PRR12: variants seen among roughly 807,000 people sequenced by gnomAD.
The protein encoded by PRR12 is proline rich 12.
Under a neutral mutation model 138.0 loss-of-function variants are expected in PRR12, and 12 were observed. The ratio of observed to expected loss-of-function variants is 0.09; its 90% CI spans 0.06 to 0.14. The LOEUF (loss-of-function observed/expected upper bound fraction) is 0.14. Ranked by LOEUF, PRR12 falls within the 10% of genes least tolerant of loss-of-function variation. The probability of loss-of-function intolerance (pLI) is 1.00; values close to 1 mark genes in which losing one functional copy is unlikely to be tolerated. For synonymous variants in PRR12, 1,567 were observed against 1,291.7 expected, an observed-to-expected ratio of 1.21 and a Z score of -4.57; for missense variants, 2,692 against 2,861.3, an observed-to-expected ratio of 0.94 and a Z score of 1.35.
chr19:49,604,955 A>G (rs1190439466), intron 6 of PRR12, among the ~76,000 whole-genome samples: 8 of 151,986 alleles, frequency 5.3e-5, no homozygotes, highest in African/African-American at 1.9e-4. Context: ...TGGTTCAAGC[A>G]ATTCTCATAA....
In PRR12 at chr19:49,594,451, C is replaced by T. The variant is rs1326420664; in HGVS notation, c.200-3C>T. 3 of 1,582,736 alleles carry T rather than the reference C, an allele frequency of 1.9e-6. No homozygotes were observed. Among genetic ancestry groups the T allele is most frequent in the Admixed American group, 1.9e-5 (1 of 53,574 alleles). ...GCTGACTATAACCCCTGTCCCCGGC[C>T]AGGCCTCTCTGGACTCTTCGACACT... On this transcript the variant is annotated splice_region_variant and splice_polypyrimidine_tract_variant and intron_variant, in intron 2 of 13. Coordinates refer to ENST00000418929, the MANE Select transcript of PRR12 (RefSeq NM_020719.3). The surrounding 1 kb of genome is among the most constrained non-coding windows in gnomAD (Gnocchi z 5.6).
chr19:49,616,892 G>T lies in PRR12; in HGVS notation c.5497+673G>T, dbSNP rs899182053. Among the ~76,000 whole-genome samples, 1 of 152,198 alleles carries T rather than the reference G, an allele frequency of 6.6e-6. No homozygotes were observed. The highest frequency in any genetic ancestry group is 2.4e-5 in the African/African-American group (1 of 41,450). On this transcript the variant is annotated intron_variant, in intron 9 of 13. Transcript: ENST00000418929. The surrounding 1 kb of genome is among the most constrained non-coding windows in gnomAD (Gnocchi z 4.2). ...GCCTGTAATCCCAACACTTTGGGAG[G>T]CCAAGGTGGGCGGATCAGCTGAGGT...
Position 49,591,571 on chromosome 19 carries a change from G to T in PRR12, c.-84G>T. On this transcript the variant is annotated 5_prime_UTR_variant, in exon 1 of 14. Transcript: ENST00000418929. ...GGGGAAAAAAAAGCAGCAGCGGAGG[G>T]AGCGGCGGCGGAGGAGAGCGCGCGC... 1 of 742,680 alleles carries T rather than the reference G, an allele frequency of 1.3e-6. No individual in the cohort carries two copies. The highest frequency in any genetic ancestry group is 2.8e-5 in the South Asian group (1 of 36,298). The allele number at this position is 742,680 out of a possible 1,614,324, so 46.0% of individuals were successfully genotyped here. A position where few individuals can be genotyped will look rare whatever the true frequency, so the allele number is the denominator to read the frequency against.
chr19:49,595,202 C>T lies in PRR12; in HGVS notation c.867C>T (p.Ile289=). 1.3e-6 allele frequency: 2 copies of T among 1,595,024 alleles called. No individual in the cohort carries two copies. The highest frequency in any genetic ancestry group is 8.5e-7 in the Non-Finnish European group (1 of 1,173,076). ...ERALPRQDTV[I]KHYQRPASAQ... ...CCCTGCCACGCCAGGACACGGTCAT[C>T]AAGCACTACCAGCGGCCAGCCAGTG... The change falls in exon 4 of 14, where the codon ATC becomes ATT. Residue 289 remains isoleucine (I), a synonymous_variant. Coordinates refer to ENST00000418929, the MANE Select transcript of PRR12 (RefSeq NM_020719.3).
At chr19:49,602,690 T>C (rs183203011) in intron 6 of PRR12, among the ~76,000 whole-genome samples, 52 of 152,304 alleles carry the variant, frequency 3.4e-4, no homozygotes, top group African/African-American at 1.1e-3. Context: ...TATCTGGGAC[T>C]ACAGGCGCAG....
In PRR12 at chr19:49,597,162, G is replaced by C. The variant is rs2080777556; in HGVS notation, c.2827G>C (p.Glu943Gln). ...CFPDSLLQDE[E>Q]RSFFPTMEEM... ...CCCTGACTCCTTGCTCCAAGACGAG[G>C]AGCGCAGCTTCTTCCCCACCATGGA... is the stretch of plus-strand genomic sequence containing the variant. Residue 943 changes from glutamate (E) to glutamine (Q), a missense_variant, in exon 4 of 14, where the codon GAG becomes CAG. Glu to Gln is a conservative substitution (Grantham distance 29). Transcript: ENST00000418929. This position sits in a 1 kb window ranked among gnomAD's most constrained non-coding sequence, Gnocchi z 6.3. 1.3e-6 allele frequency: 2 copies of C among 1,552,486 alleles called. No homozygotes were observed. The highest frequency in any genetic ancestry group is 1.2e-5 in the South Asian group (1 of 84,208).
At position 49,614,815 on chromosome 19, in the gene PRR12, G is replaced by A. The variant is rs1311830132; in HGVS notation, c.4891-61G>A. ...TGCCATGGTGGCCCAGGGCACGGGG[G>A]TGTTGGCCATCTGGCTGGGCAGTGT... On this transcript the variant is annotated intron_variant, in intron 7 of 13. Transcript: ENST00000418929. The surrounding 1 kb of genome is among the most constrained non-coding windows in gnomAD (Gnocchi z 5.0). 1.9e-5 allele frequency: 31 copies of A among 1,610,118 alleles called. No individual in the cohort carries two copies. The highest frequency in any genetic ancestry group is 2.6e-5 in the Non-Finnish European group (31 of 1,177,038).
chr19:49,594,631 GC>G lies in PRR12; in HGVS notation c.361+19del. ...TGGCAAACAGGTAAGCCCAGCGCCG[GC>G]CCTGCAGGGCCAGGGTGGGACTGGC... is the stretch of plus-strand genomic sequence containing the variant. On this transcript the variant is annotated intron_variant, in intron 3 of 13. Transcript: ENST00000418929. This position sits in a 1 kb window ranked among gnomAD's most constrained non-coding sequence, Gnocchi z 5.6. 6.2e-7 allele frequency: 1 copy of G among 1,611,174 alleles called. No individual in the cohort carries two copies. Among genetic ancestry groups the G allele is most frequent in the South Asian group, 1.1e-5 (1 of 90,984 alleles).
At position 49,621,489 on chromosome 19, in the gene PRR12, CT is replaced by C. The variant is rs781026632; in HGVS notation, c.5624-35del. On this transcript the variant is annotated intron_variant, in intron 10 of 13. Transcript: ENST00000418929. ...ACCTTGGCCCCAGTGCTTTGTGAGG[CT>C]GTGGCCTTCCTGATACCATGTCCTC... The C allele has an allele frequency of 7.6e-5, 115 of 1,522,776 alleles. No individual in the cohort carries two copies. In the South Asian group the frequency reaches 1.3e-3, roughly 18 times the overall value. 94.3% of individuals were successfully genotyped at this position (1,522,776 alleles called of 1,614,324 possible). A position where few individuals can be genotyped will look rare whatever the true frequency, so the allele number is the denominator to read the frequency against.
intron 11 of PRR12, among the ~76,000 whole-genome samples, chr19:49,623,126 G>A (rs745668024): frequency 6.6e-6 from 1 of 151,778 alleles, no homozygotes; most frequent in Non-Finnish European, 1.5e-5. Context: ...AAATTCGTGG[G>A]TAGAGTGCTG....
In PRR12 at chr19:49,614,814, G is replaced by A; in HGVS notation, c.4891-62G>A. The stretch of plus-strand genomic sequence containing the variant: ...CTGCCATGGTGGCCCAGGGCACGGG[G>A]GTGTTGGCCATCTGGCTGGGCAGTG... On this transcript the variant is annotated intron_variant, in intron 7 of 13. Coordinates refer to ENST00000418929, the MANE Select transcript of PRR12 (RefSeq NM_020719.3). The surrounding 1 kb of genome is among the most constrained non-coding windows in gnomAD (Gnocchi z 5.0). 1 of 1,609,950 alleles carries A rather than the reference G, an allele frequency of 6.2e-7. No homozygotes were observed. The highest frequency in any genetic ancestry group is 1.1e-5 in the South Asian group (1 of 90,878).
chr19:49,624,742 T>C, intron 11 of PRR12, 102 bp from the exon 12 acceptor site: 3 of 1,502,208 alleles, frequency 2.0e-6, no homozygotes, highest in Non-Finnish European at 2.7e-6. Flanking sequence ...TCTCCTGATC[T>C]GCAGCCTGGG....
intron 6 of PRR12, among the ~76,000 whole-genome samples, chr19:49,613,496 C>T (rs749368664): frequency 3.3e-5 from 5 of 152,228 alleles, no homozygotes; most frequent in Non-Finnish European, 7.3e-5. Flanking sequence ...GTGTGACTCA[C>T]GTCCATCAGT....
In PRR12 at chr19:49,601,648, G is replaced by A. The variant is rs756050041; in HGVS notation, c.4503G>A (p.Leu1501=). ...PTPSSPPPPP[L]PPPPPPAMPS... is the part of the protein sequence containing the mutation. ...CCAGCTCACCACCGCCACCGCCGCT[G>A]CCGCCGCCACCTCCACCAGCCATGC... The change falls in exon 6 of 14, where the codon CTG becomes CTA. Residue 1501 remains leucine, a synonymous_variant. Transcript: ENST00000418929. 2 of 1,537,206 alleles carry A rather than the reference G, an allele frequency of 1.3e-6. No individual in the cohort carries two copies. The highest frequency in any genetic ancestry group is 1.7e-6 in the Non-Finnish European group (2 of 1,145,264).
intron 6 of PRR12, among the ~76,000 whole-genome samples, chr19:49,603,584 C>T (rs557717967): frequency 1.2e-4 from 18 of 152,030 alleles, no homozygotes; most frequent in African/African-American, 1.2e-4. Context: ...CCCATCTACT[C>T]GGGAGGCTGA....
Position 49,601,881 on chromosome 19 carries a change from A to T in PRR12, c.4736A>T (p.Glu1579Val), listed in dbSNP as rs2080814079. The T allele has an allele frequency of 1.2e-6, 2 of 1,612,362 alleles. No individual in the cohort carries two copies. The highest frequency in any genetic ancestry group is 1.7e-6 in the Non-Finnish European group (2 of 1,179,858). ...GAGGGCATCTTCCGGGAACGGGACG[A>T]GTTCGTCATCCGTGCTGAGGACATC... ...GGEGIFRERDEFVIRAEDIPS... is the reference protein window; with the variant it reads ...GGEGIFRERDVFVIRAEDIPS... The change falls in exon 6 of 14, where the codon GAG (glutamate) becomes GTG (valine). Residue 1579 changes from glutamate (E) to valine (V), a missense_variant. Coordinates refer to ENST00000418929, the MANE Select transcript of PRR12 (RefSeq NM_020719.3).
intron 9 of PRR12, among the ~76,000 whole-genome samples, chr19:49,620,054 C>T (rs1251855350): frequency 2.0e-5 from 3 of 150,908 alleles, no homozygotes; most frequent in South Asian, 2.1e-4. Flanking sequence ...GGTTTTGCCA[C>T]GCTGGCCAGG....
intron 9 of PRR12, among the ~76,000 whole-genome samples, chr19:49,619,231 T>TG (rs2080908087): frequency 2.1e-5 from 3 of 142,530 alleles, no homozygotes; most frequent in South Asian, 2.4e-4. Flanking sequence ...TGAGTTTTTT[T>TG]TTTTTTTTTT....
At chr19:49,613,395 G>A (rs2080876400) in intron 6 of PRR12, among the ~76,000 whole-genome samples, 2 of 151,470 alleles carry the variant, frequency 1.3e-5, no homozygotes, top group Non-Finnish European at 2.9e-5. Flanking sequence ...CCAGGGAATT[G>A]GCATTAGGAC....
Sources: allele counts gnomAD v4.1 joint callset (sites outside exome capture counted in the v4.1 genomes callset), GRCh38; gene constraint gnomAD v4.1.1; non-coding constraint Gnocchi (gnomAD v3.1); transcripts MANE v1.5; gene names NCBI Gene and HGNC (gene_info 2026-07-23, HGNC 2026-07-21).